Variants in ACOX3 observed in about 807,000 individuals in gnomAD.
The protein encoded by ACOX3 is acyl-CoA oxidase 3, pristanoyl, also known as peroxisomal acyl-coenzyme A oxidase 3.
ACOX3 carries 73 observed loss-of-function variants against 81.5 expected under a neutral mutation model. The observed-to-expected ratio is 0.90, with a 90% CI of 0.74 to 1.09. The LOEUF is 1.09. Ranked by LOEUF, ACOX3 falls within the 50% of genes least tolerant of loss-of-function variation. The pLI, the probability that ACOX3 is intolerant of heterozygous loss-of-function variation, is 0.00. For missense variants in ACOX3, 947 were observed against 928.0 expected (o/e 1.02, Z -0.27); for synonymous variants, 387 against 375.1 (o/e 1.03, Z -0.37).
At chr4:8,424,865 G>T (rs558232427) in intron 1 of ACOX3, among the ~76,000 whole-genome samples, 4 of 152,292 alleles carry the variant, frequency 2.6e-5, no homozygotes, top group African/African-American at 9.6e-5. Flanking sequence ...GTAGAAAAAC[G>T]ACTTCGAAAA....
chr4:8,409,975 CACTGTGGACGG>C (rs1241855610), intron 6 of ACOX3, among the ~76,000 whole-genome samples: 8 of 151,000 alleles, frequency 5.3e-5, no homozygotes, highest in African/African-American at 2.0e-4. Context: ...TTGTGGGATG[CACTGTGGACGG>C]GGCTATCTGC....
At chr4:8,392,567 TC>T in intron 10 of ACOX3, 114 bp from the exon 11 acceptor site, 1 of 1,208,968 alleles carries the variant, frequency 8.3e-7, no homozygotes, top group Admixed American at 2.8e-5. Context: ...ATACAAGACA[TC>T]CCGAAAATGA....
At chr4:8,373,479 T>C in intron 16 of ACOX3, 82 bp downstream of exon 16, 1 of 1,441,040 alleles carries the variant, frequency 6.9e-7, no homozygotes. Flanking sequence ...CGTGTCGGTC[T>C]GGGTGATGCT....
chr4:8,410,694 ACTGTGGGCGGGGCTGTCTGTGCC>A (rs1266974716), intron 5 of ACOX3, among the ~76,000 whole-genome samples: 1 of 152,120 alleles, frequency 6.6e-6, no homozygotes, highest in Non-Finnish European at 1.5e-5. Context: ...CTGTCTGTGC[ACTGTGGGCGGGGCTGTCTGTGCC>A]CTGTGGGCAG....
rs1402366896 is a variant in ACOX3, at chr4:8,407,744, T to C, written c.688-1701A>G. On this transcript the variant is annotated intron_variant, in intron 6 of 17. Transcript: ENST00000356406. This position sits in a 1 kb window ranked among gnomAD's most constrained non-coding sequence, Gnocchi z 4.6. ...TATGAATATTCTGGTCAATCACCGCTCCCCAAGATACAGGTCCAGCCAGCT... is the reference window on the plus strand; with the variant it reads ...TATGAATATTCTGGTCAATCACCGCCCCCCAAGATACAGGTCCAGCCAGCT... 2.0e-5 allele frequency among the ~76,000 whole-genome samples: 3 copies of C among 152,210 alleles called. No individual in the cohort carries two copies. Among genetic ancestry groups the C allele is most frequent in the African/African-American group, 7.2e-5 (3 of 41,444 alleles).
rs1718042480 is a variant in ACOX3 at position 8,384,346 on chromosome 4, G to T, written c.1538-2739C>A. On this transcript the variant is annotated intron_variant, in intron 13 of 17. Transcript: ENST00000356406. The surrounding 1 kb of genome is among the most constrained non-coding windows in gnomAD (Gnocchi z 5.3). ...AAGCACATGAAAGCAAACAATGAAAGGTGGGTGTTGTGTGTGTCATTTTCA... is the reference window on the plus strand; with the variant it reads ...AAGCACATGAAAGCAAACAATGAAATGTGGGTGTTGTGTGTGTCATTTTCA... 6.6e-6 allele frequency among the ~76,000 whole-genome samples: 1 copy of T among 152,230 alleles called. No homozygotes were observed. The highest frequency in any genetic ancestry group is 1.5e-5 in the Non-Finnish European group (1 of 68,044).
rs978787461 is a variant in ACOX3 at position 8,368,492 on chromosome 4, G to A, written c.1984-1412C>T. On this transcript the variant is annotated intron_variant, in intron 17 of 17. Coordinates refer to ENST00000356406, the MANE Select transcript of ACOX3 (RefSeq NM_003501.3). This position sits in a 1 kb window ranked among gnomAD's most constrained non-coding sequence, Gnocchi z 5.9. ...AGAAGAAACCCCTCTGCCTGCACCC[G>A]CTAAATGCACTTAGCAACCCCTCCT... Among the ~76,000 whole-genome samples, 1 of 152,172 alleles carries A rather than the reference G, an allele frequency of 6.6e-6. No homozygotes were observed. The highest frequency in any genetic ancestry group is 1.5e-5 in the Non-Finnish European group (1 of 68,018).
chr4:8,363,747 G>A (rs1715281419), downstream of ACOX3, among the ~76,000 whole-genome samples: 1 of 152,092 alleles, frequency 6.6e-6, no homozygotes, highest in South Asian at 2.1e-4. Context: ...AAAATGGGTG[G>A]CAGTAAGGAA....
chr4:8,372,438 T>C (rs1278617082), intron 16 of ACOX3, among the ~76,000 whole-genome samples: 1 of 151,980 alleles, frequency 6.6e-6, no homozygotes, highest in Non-Finnish European at 1.5e-5. Flanking sequence ...TGCCCCCCTC[T>C]CTGGCGAGGA....
At chr4:8,420,922 G>C (rs1388363111) in intron 1 of ACOX3, among the ~76,000 whole-genome samples, 1 of 152,192 alleles carries the variant, frequency 6.6e-6, no homozygotes, top group Non-Finnish European at 1.5e-5. Flanking sequence ...TAATTGAGCT[G>C]AACACTAGTC....
Position 8,406,170 on chromosome 4 carries a change from C to T in ACOX3, c.688-127G>A, listed in dbSNP as rs1479434984. The T allele has an allele frequency of 2.4e-6, 2 of 835,784 alleles. No homozygotes were observed. The highest frequency in any genetic ancestry group is 4.0e-6 in the Non-Finnish European group (2 of 503,622). 51.8% of individuals were successfully genotyped at this position (835,784 alleles called of 1,614,324 possible). A position where few individuals can be genotyped will look rare whatever the true frequency, so the allele number is the denominator to read the frequency against. ...GCTGGGCGGCTGTGGGTTAAACCAT[C>T]CTCCAGAAATGATACATCCAAGTCC... On this transcript the variant is annotated intron_variant, in intron 6 of 17. Coordinates refer to ENST00000356406, the MANE Select transcript of ACOX3 (RefSeq NM_003501.3). The surrounding 1 kb of genome is among the most constrained non-coding windows in gnomAD (Gnocchi z 5.6).
In ACOX3 at chr4:8,389,788, C is replaced by G. The variant is rs1718747236; in HGVS notation, c.1301-54G>C. ...TTTAAGACGCATATTTGAGAAGCAG[C>G]CTGTCACTATGTGAGAATTTAAAAA... On this transcript the variant is annotated intron_variant, in intron 11 of 17. Transcript: ENST00000356406. This position sits in a 1 kb window ranked among gnomAD's most constrained non-coding sequence, Gnocchi z 5.3. 4 of 1,601,392 alleles carry G rather than the reference C, an allele frequency of 2.5e-6. No homozygotes were observed. Among genetic ancestry groups the G allele is most frequent in the Non-Finnish European group, 3.4e-6 (4 of 1,174,004 alleles).
intron 7 of ACOX3, among the ~76,000 whole-genome samples, chr4:8,402,093 C>G (rs1375613482): frequency 6.6e-6 from 1 of 152,246 alleles, no homozygotes; most frequent in East Asian, 1.9e-4. Flanking sequence ...CAGACGACAT[C>G]CTCTGAGGCA....
At position 8,437,315 on chromosome 4, in the gene ACOX3, G is replaced by A. The variant is rs545996910; in HGVS notation, c.-15+3333C>T. Among the ~76,000 whole-genome samples, 159 of 151,948 alleles carry A rather than the reference G, an allele frequency of 1.0e-3. No individual in the cohort carries two copies. Among genetic ancestry groups the A allele is most frequent in the African/African-American group, 3.3e-3 (137 of 41,472 alleles). On this transcript the variant is annotated intron_variant, in intron 1 of 17. Coordinates refer to ENST00000356406, the MANE Select transcript of ACOX3 (RefSeq NM_003501.3). The surrounding 1 kb of genome is among the most constrained non-coding windows in gnomAD (Gnocchi z 5.2). ...AGCAACAAGTGCGGCAGCTAGGCACGCCAAGGGTTAAATTCCTCTCCCCGG... is the reference window on the plus strand; with the variant it reads ...AGCAACAAGTGCGGCAGCTAGGCACACCAAGGGTTAAATTCCTCTCCCCGG...
Position 8,406,120 on chromosome 4 carries a change from C to A in ACOX3, c.688-77G>T. On this transcript the variant is annotated intron_variant, in intron 6 of 17. Coordinates refer to ENST00000356406, the MANE Select transcript of ACOX3 (RefSeq NM_003501.3). The surrounding 1 kb of genome is among the most constrained non-coding windows in gnomAD (Gnocchi z 5.6). ...AATCAAAACAAATGTGTTCAGAAAC[C>A]CACAGGGTGGGCCATGGGCTCAACG... The A allele has an allele frequency of 1.4e-6, 2 of 1,452,612 alleles. No individual in the cohort carries two copies. Among genetic ancestry groups the A allele is most frequent in the Non-Finnish European group, 1.9e-6 (2 of 1,037,520 alleles). The allele number at this position is 1,452,612 out of a possible 1,614,324, so 90.0% of individuals were successfully genotyped here.
At chr4:8,413,748 C>G (rs940328138) in intron 5 of ACOX3, among the ~76,000 whole-genome samples, 3 of 152,238 alleles carry the variant, frequency 2.0e-5, no homozygotes, top group Non-Finnish European at 4.4e-5. Context: ...ATCTGTGGCC[C>G]GTCTCACTGC....
At chr4:8,425,974 A>T (rs536068112) in intron 1 of ACOX3, among the ~76,000 whole-genome samples, 1 of 152,212 alleles carries the variant, frequency 6.6e-6, no homozygotes, top group South Asian at 2.1e-4. Flanking sequence ...AACATCTAAA[A>T]AAGCTAACTC....
Position 8,397,063 on chromosome 4 carries a change from G to A in ACOX3, c.930C>T (p.Ser310=), listed in dbSNP as rs1719787311. Residue 310 remains serine (S), a synonymous_variant, in exon 9 of 18, where the codon TCC becomes TCT. Coordinates refer to ENST00000356406, the MANE Select transcript of ACOX3 (RefSeq NM_003501.3). ...SLGSLSSGRV[S]IVSLAILNLK... Reference sequence around the variant, plus strand: ...GGTTAAGGATGGCCAGGCTCACGATGGAGACCCGGCCCGAGGACAGGCTCC... The same window carrying A: ...GGTTAAGGATGGCCAGGCTCACGATAGAGACCCGGCCCGAGGACAGGCTCC... The A allele has an allele frequency of 1.2e-6, 2 of 1,603,726 alleles. No individual in the cohort carries two copies. Among genetic ancestry groups the A allele is most frequent in the African/African-American group, 1.3e-5 (1 of 74,320 alleles).
chr4:8,403,009 G>A (rs1242601238), intron 7 of ACOX3, among the ~76,000 whole-genome samples: 2 of 152,126 alleles, frequency 1.3e-5, no homozygotes, highest in African/African-American at 2.4e-5. Context: ...CAGGGCAAAC[G>A]CACGAAGAAA....
Sources: gnomAD v4.1 joint callset for allele counts (sites outside exome capture counted in the v4.1 genomes callset) on GRCh38, gnomAD v4.1.1 for gene constraint, Gnocchi (gnomAD v3.1) non-coding constraint, MANE v1.5 for transcripts, NCBI Gene and HGNC (gene_info 2026-07-23, HGNC 2026-07-21) for gene names.